Variants in FOXP1 observed in about 807,000 individuals in gnomAD.
The protein encoded by FOXP1 is forkhead box P1.
In FOXP1, 15 loss-of-function variants were observed where a neutral mutation model predicts 98.2. The ratio of observed to expected loss-of-function variants is 0.15; its 90% CI spans 0.10 to 0.24. The LOEUF is 0.24. Ranked by LOEUF, FOXP1 falls within the 10% of genes least tolerant of loss-of-function variation. FOXP1 has a pLI of 1.00. For missense variants in FOXP1, 633 were observed against 848.5 expected (o/e 0.75, Z 3.15); for synonymous variants, 371 against 314.5 (o/e 1.18, Z -1.90).
chr3:71,405,424 T>C (rs1383492632), intron 3 of FOXP1, among the ~76,000 whole-genome samples: 1 of 152,098 alleles, frequency 6.6e-6, no homozygotes, highest in Non-Finnish European at 1.5e-5. Context: ...ACACAAAAGC[T>C]CTTTCACATT....
intron 5 of FOXP1, among the ~76,000 whole-genome samples, chr3:71,228,022 G>A (rs1380945044): frequency 7.5e-6 from 1 of 133,056 alleles, no homozygotes; most frequent in Non-Finnish European, 1.6e-5. Flanking sequence ...GGGGCGGGTG[G>A]GGGGCGGGGG....
chr3:71,497,891 A>G (rs1206312331), intron 2 of FOXP1, among the ~76,000 whole-genome samples: 1 of 152,216 alleles, frequency 6.6e-6, no homozygotes, highest in East Asian at 1.9e-4. Context: ...GCCCATTGAA[A>G]TATTTTAGAG....
At chr3:71,188,407 A>C (rs2062774687) in intron 6 of FOXP1, among the ~76,000 whole-genome samples, 1 of 143,994 alleles carries the variant, frequency 6.9e-6, no homozygotes, top group South Asian at 2.2e-4. Context: ...TTTTTTCTTT[A>C]TTTTTTTTTT....
At chr3:71,198,425 A>AGGGGGGGGGGGGG (rs747142970) in intron 5 of FOXP1, 33 bp from the exon 6 acceptor site, 4 of 530,234 alleles carry the variant, frequency 7.5e-6, no homozygotes, top group South Asian at 1.5e-5. Flanking sequence ...GGGGGGAGGG[A>AGGGGGGGGGGGGG]GGGGGGGAGA....
At chr3:71,044,679 C>G (rs867171903) in intron 10 of FOXP1, among the ~76,000 whole-genome samples, 1 of 152,152 alleles carries the variant, frequency 6.6e-6, no homozygotes. Context: ...TAACAGATAA[C>G]CCCCAAGTCT....
intron 3 of FOXP1, among the ~76,000 whole-genome samples, chr3:71,425,791 C>T (rs974900962): frequency 1.3e-5 from 2 of 151,764 alleles, no homozygotes; most frequent in Non-Finnish European, 2.9e-5. Context: ...TCTATGAATA[C>T]CTCAACATTT....
intron 5 of FOXP1, among the ~76,000 whole-genome samples, chr3:71,207,374 C>A (rs532601652): frequency 1.3e-5 from 2 of 152,232 alleles, no homozygotes; most frequent in Non-Finnish European, 2.9e-5. Context: ...TCAAGCCCCT[C>A]ACCGCTCTAG....
chr3:71,436,567 C>T (rs146829874), intron 3 of FOXP1, among the ~76,000 whole-genome samples: 1 of 152,236 alleles, frequency 6.6e-6, no homozygotes, highest in African/African-American at 2.4e-5. Context: ...GTCCCTATTA[C>T]AATTCCATGT....
chr3:71,464,779 G>A (rs1343798822), intron 3 of FOXP1, among the ~76,000 whole-genome samples: 5 of 152,152 alleles, frequency 3.3e-5, no homozygotes, highest in Admixed American at 6.5e-5. Context: ...CATTACAAAG[G>A]TGGCACACAC....
At chr3:71,232,774 A>G (rs1054363263) in intron 5 of FOXP1, among the ~76,000 whole-genome samples, 1 of 148,610 alleles carries the variant, frequency 6.7e-6, no homozygotes, top group African/African-American at 2.5e-5. Flanking sequence ...AGTGATGCAC[A>G]CTTGTAGTCC....
chr3:71,020,578 T>C (rs1435209989), intron 11 of FOXP1, among the ~76,000 whole-genome samples: 6 of 152,212 alleles, frequency 3.9e-5, no homozygotes, highest in African/African-American at 7.2e-5. Flanking sequence ...CTTACACTGT[T>C]AGTCCTGTAA....
intron 5 of FOXP1, among the ~76,000 whole-genome samples, chr3:71,276,813 T>C (rs944563434): frequency 1.3e-5 from 2 of 152,166 alleles, no homozygotes; most frequent in Non-Finnish European, 2.9e-5. Flanking sequence ...CTGTTAACTA[T>C]ACAGTCAGCC....
chr3:71,328,244 C>A (rs565302059), intron 4 of FOXP1, among the ~76,000 whole-genome samples: 68 of 151,992 alleles, frequency 4.5e-4, no homozygotes, highest in African/African-American at 1.4e-3. Flanking sequence ...GCTTGGCCAA[C>A]ATGGTAAAAC....
At chr3:71,470,453 G>A (rs35967223) in intron 3 of FOXP1, among the ~76,000 whole-genome samples, 52,713 of 152,014 alleles carry the variant, frequency 0.35, 9,573 homozygotes, top group Non-Finnish European at 0.38. Context: ...AAAAAACAAC[G>A]TTTGAGGCCG....
intron 3 of FOXP1, among the ~76,000 whole-genome samples, chr3:71,368,827 C>T (rs751984477): frequency 6.6e-6 from 1 of 152,158 alleles, no homozygotes; most frequent in African/African-American, 2.4e-5. Flanking sequence ...TCTTCCCCAC[C>T]AACTGCTGAG....
chr3:71,487,123 G>A (rs1163965554), intron 3 of FOXP1, among the ~76,000 whole-genome samples: 3 of 151,706 alleles, frequency 2.0e-5, no homozygotes, highest in African/African-American at 7.3e-5. Flanking sequence ...GAGCGACATA[G>A]ACTCATTCTC....
chr3:71,483,575 A>G (rs1203279108), intron 3 of FOXP1, among the ~76,000 whole-genome samples: 1 of 152,186 alleles, frequency 6.6e-6, no homozygotes, highest in Non-Finnish European at 1.5e-5. Context: ...AAATCATGTG[A>G]AATTCTAATT....
intron 3 of FOXP1, among the ~76,000 whole-genome samples, chr3:71,388,661 G>A (rs182523510): frequency 5.9e-5 from 9 of 151,972 alleles, no homozygotes; most frequent in African/African-American, 1.9e-4. Context: ...GTGCTCAAGG[G>A]AGAAAAAGGG....
chr3:71,283,653 C>T (rs1027073327), intron 5 of FOXP1, among the ~76,000 whole-genome samples: 1 of 152,180 alleles, frequency 6.6e-6, no homozygotes, highest in African/African-American at 2.4e-5. Flanking sequence ...AAGTGCATTG[C>T]TCAGTGATTT....
Sources: gnomAD v4.1 joint callset for allele counts (sites outside exome capture counted in the v4.1 genomes callset) on GRCh38, gnomAD v4.1.1 for gene constraint, MANE v1.5 for transcripts, NCBI Gene and HGNC (gene_info 2026-07-23, HGNC 2026-07-21) for gene names.